Variants in AOPEP observed in about 807,000 individuals in gnomAD.
AOPEP encodes the protein aminopeptidase O (putative).
In AOPEP, 77 loss-of-function variants were observed where a neutral mutation model predicts 98.1. The observed-to-expected ratio is 0.78, with a 90% CI of 0.65 to 0.95. AOPEP has a LOEUF of 0.95. Among genes scored for constraint, AOPEP ranks in the 40% least tolerant of loss-of-function variants. The pLI is 0.00. For synonymous variants in AOPEP, 346 were observed against 365.3 expected (o/e 0.95, Z 0.60); for missense variants, 1,024 against 1,024.7 (o/e 1.00, Z 0.01).
the AOPEP span, chr9:95,123,466 C>A: frequency 3.9e-5 from 18 of 461,816 alleles, no homozygotes; most frequent in Non-Finnish European, 7.8e-5. Flanking sequence ...ATGGTGAAAC[C>A]CCATCTCTAA....
intron 1 of AOPEP, among the ~76,000 whole-genome samples, chr9:94,747,955 A>C (rs1312600060): frequency 6.7e-6 from 1 of 150,174 alleles, no homozygotes; most frequent in Non-Finnish European, 1.5e-5. Context: ...ATAATAAATA[A>C]AAAAATAGGA....
chr9:95,067,269 C>T (rs1255168558), intron 14 of AOPEP, among the ~76,000 whole-genome samples: 2 of 152,188 alleles, frequency 1.3e-5, no homozygotes, highest in Non-Finnish European at 2.9e-5. Context: ...CTTGCGGAAG[C>T]ACGTTCCCAG....
intron 7 of AOPEP, among the ~76,000 whole-genome samples, chr9:94,944,235 A>G (rs1386056142): frequency 6.6e-6 from 1 of 152,108 alleles, no homozygotes; most frequent in African/African-American, 2.4e-5. Flanking sequence ...ATAACCCTGC[A>G]ATTCCATTCC....
chr9:95,080,341 C>A (rs1303189773), intron 14 of AOPEP, among the ~76,000 whole-genome samples: 1 of 152,078 alleles, frequency 6.6e-6, no homozygotes, highest in Non-Finnish European at 1.5e-5. Context: ...GCCTGGCCAA[C>A]ATAGTGAAAC....
chr9:94,910,706 A>C (rs1223306801), intron 5 of AOPEP, among the ~76,000 whole-genome samples: 1 of 152,112 alleles, frequency 6.6e-6, no homozygotes. Flanking sequence ...CAGTGTTTCT[A>C]ATTCTCTGTT....
At chr9:95,127,503 T>G in the AOPEP span, 2 of 152,330 alleles carry the variant, frequency 1.3e-5, no homozygotes, top group African/African-American at 2.4e-5. Flanking sequence ...AGGATGGGGC[T>G]CTGGTTCCGT....
Position 95,037,477 on chromosome 9 carries a change from C to G in AOPEP, c.2116-23217C>G, listed in dbSNP as rs552121995. 1.1e-4 allele frequency among the ~76,000 whole-genome samples: 16 copies of G among 152,310 alleles called. No homozygotes were observed. The South Asian group carries it at 3.1e-3, about 30-fold the overall frequency. ...ATTGTCTGAGCTTATAGTATACAAG[C>G]ACCAAAGCTCGATGAATTCAGGTCT... On this transcript the variant is annotated intron_variant, in intron 13 of 16. Coordinates refer to ENST00000375315, the MANE Select transcript of AOPEP (RefSeq NM_001193329.3).
chr9:94,976,225 G>A (rs1018640187), intron 10 of AOPEP, among the ~76,000 whole-genome samples: 2 of 152,136 alleles, frequency 1.3e-5, no homozygotes, highest in African/African-American at 4.8e-5. Flanking sequence ...CAGCCATCCA[G>A]CGAATGTTTG....
At chr9:95,087,521 A>G (rs1374388217), downstream of AOPEP, among the ~76,000 whole-genome samples, 2 of 125,706 alleles carry the variant, frequency 1.6e-5, no homozygotes, top group African/African-American at 5.7e-5. Flanking sequence ...CACGTACAAG[A>G]AAAAGGTATT....
the AOPEP span, chr9:95,123,812 C>T: frequency 1.5e-6 from 1 of 689,008 alleles, no homozygotes; most frequent in Non-Finnish European, 2.7e-6. Context: ...CTGAACACCC[C>T]TACTCCAATT....
intron 1 of AOPEP, 73 bp from the exon 2 acceptor site, chr9:94,759,576 C>G: frequency 1.9e-6 from 1 of 539,904 alleles, no homozygotes; most frequent in Non-Finnish European, 3.2e-6. Context: ...GGTCAACTTG[C>G]AGGAGCAGCA....
At chr9:95,088,995 G>A (rs1340322444), downstream of AOPEP, among the ~76,000 whole-genome samples, 1 of 152,248 alleles carries the variant, frequency 6.6e-6, no homozygotes, top group Non-Finnish European at 1.5e-5. Context: ...TGCCCCTGGA[G>A]GTGAGGGAGG....
At chr9:94,895,583 G>GCTTTTTT (rs907290705) in intron 5 of AOPEP, among the ~76,000 whole-genome samples, 1 of 151,874 alleles carries the variant, frequency 6.6e-6, no homozygotes, top group East Asian at 1.9e-4. Flanking sequence ...CCAAGTGCCT[G>GCTTTTTT]CTTTTTTCTT....
At chr9:95,042,457 T>C (rs1438542838) in intron 13 of AOPEP, among the ~76,000 whole-genome samples, 3 of 152,234 alleles carry the variant, frequency 2.0e-5, no homozygotes, top group African/African-American at 7.2e-5. Context: ...CTCAGATGTA[T>C]TAATTTCCTA....
At chr9:95,097,294 A>G in the AOPEP span, among the ~76,000 whole-genome samples, 1 of 152,236 alleles carries the variant, frequency 6.6e-6, no homozygotes, top group African/African-American at 2.4e-5. Context: ...TATTGTCTCC[A>G]TTTGCCCAGT....
intron 14 of AOPEP, among the ~76,000 whole-genome samples, chr9:95,079,842 C>G (rs1303879332): frequency 6.6e-6 from 1 of 152,248 alleles, no homozygotes; most frequent in East Asian, 1.9e-4. Context: ...AACCTACACA[C>G]CTGTGGATAC....
chr9:94,729,554 C>A (rs1830028365), intron 1 of AOPEP, among the ~76,000 whole-genome samples: 1 of 142,810 alleles, frequency 7.0e-6, no homozygotes, highest in Non-Finnish European at 1.5e-5. Context: ...GCCTGGGAGA[C>A]ACAGTGATGA....
At chr9:95,073,392 C>T (rs1352225398) in intron 14 of AOPEP, among the ~76,000 whole-genome samples, 3 of 151,878 alleles carry the variant, frequency 2.0e-5, no homozygotes, top group Admixed American at 6.6e-5. Context: ...TTCACACTGT[C>T]CGGGAGTCAA....
chr9:94,763,010 A>G (rs1374189688), intron 2 of AOPEP: 6 of 329,638 alleles, frequency 1.8e-5, no homozygotes, highest in Admixed American at 4.3e-5. Flanking sequence ...GTCTGTCTAC[A>G]TTTATTAAAA....
Sources: allele counts gnomAD v4.1 joint callset (sites outside exome capture counted in the v4.1 genomes callset), GRCh38; gene constraint gnomAD v4.1.1; transcripts MANE v1.5; gene names NCBI Gene and HGNC (gene_info 2026-07-23, HGNC 2026-07-21).